Variants in LANCL1 observed in about 807,000 individuals in gnomAD.
LANCL1 encodes LanC like glutathione S-transferase 1.
Under a neutral mutation model 50.6 loss-of-function variants are expected in LANCL1, and 50 were observed. The observed-to-expected ratio is 0.99, with a 90% confidence interval of 0.79 to 1.25. The LOEUF (loss-of-function observed/expected upper bound fraction) is 1.25, where lower values mean the gene tolerates loss of function less well. Among genes scored for constraint, LANCL1 ranks in the 50% most tolerant of loss-of-function variants. The probability of loss-of-function intolerance (pLI) is 0.00; values close to 1 mark genes in which losing one functional copy is unlikely to be tolerated. For missense variants in LANCL1, 532 were observed against 480.7 expected, an observed-to-expected ratio of 1.11 and a Z score of -1.00; for synonymous variants, 188 against 178.6, an observed-to-expected ratio of 1.05 and a Z score of -0.42.
rs1172775827 is a variant in LANCL1 at position 210,434,628 on chromosome 2, T to C, written c.1124-65A>G. The C allele has an allele frequency of 2.3e-6, 3 of 1,294,884 alleles. No individual in the cohort carries two copies. In the South Asian group the frequency reaches 3.7e-5, roughly 16 times the overall value. The allele number at this position is 1,294,884 out of a possible 1,614,324, so 80.2% of individuals were successfully genotyped here. A position where few individuals can be genotyped will look rare whatever the true frequency, so the allele number is the denominator to read the frequency against. ...GACTCCATTTCATAGGATGGTTCTT[T>C]TTCCCCCATATCTTTATTGACAAAA... On this transcript the variant is annotated intron_variant, in intron 9 of 9. Transcript: ENST00000450366.
intron 4 of LANCL1, among the ~76,000 whole-genome samples, chr2:210,449,882 T>C (rs992067042): frequency 2.0e-5 from 3 of 152,124 alleles, no homozygotes; most frequent in Admixed American, 6.5e-5. Flanking sequence ...TGCTCATGGA[T>C]AGGAAGAATC....
At chr2:210,434,698 A>C in intron 9 of LANCL1, 135 bp from the exon 10 acceptor site, 4 of 656,246 alleles carry the variant, frequency 6.1e-6, no homozygotes, top group East Asian at 2.9e-5. Flanking sequence ...AACATCAACA[A>C]AGGGTGCCCA....
chr2:210,438,136 T>TC (rs1479496198), intron 6 of LANCL1, among the ~76,000 whole-genome samples: 3 of 148,124 alleles, frequency 2.0e-5, no homozygotes, highest in African/African-American at 7.4e-5. Flanking sequence ...TTTCTTTCTT[T>TC]TTTTTTTTTT....
intron 4 of LANCL1, among the ~76,000 whole-genome samples, chr2:210,448,256 G>A (rs989910148): frequency 3.3e-5 from 5 of 152,126 alleles, no homozygotes; most frequent in East Asian, 1.9e-4. Flanking sequence ...TGACTACTGG[G>A]TAAATAACGA....
rs937770294 is a variant in LANCL1 at position 210,476,225 on chromosome 2, G to T, written c.81+91C>A. On this transcript the variant is annotated intron_variant, in intron 2 of 9. Coordinates refer to ENST00000450366, the MANE Select transcript of LANCL1 (RefSeq NM_006055.3). The stretch of plus-strand genomic sequence containing the variant: ...CGTCGAATCATGTATTTTTTTAAAG[G>T]GGGATGCTCAACTCTCTCAGGCAAA... The T allele has an allele frequency of 2.4e-5, 18 of 745,758 alleles. No homozygotes were observed. In the Admixed American group the frequency reaches 3.8e-4, roughly 16 times the overall value. 46.2% of individuals were successfully genotyped at this position (745,758 alleles called of 1,614,324 possible). A position where few individuals can be genotyped will look rare whatever the true frequency, so the allele number is the denominator to read the frequency against.
chr2:210,437,619 G>A (rs1369166735), intron 7 of LANCL1, 71 bp downstream of exon 7: 1 of 905,996 alleles, frequency 1.1e-6, no homozygotes, highest in Non-Finnish European at 1.6e-6. Flanking sequence ...TTATGGATTA[G>A]GATAAAACTA....
chr2:210,477,583 TCA>T, upstream of LANCL1: 4 of 1,395,626 alleles, frequency 2.9e-6, no homozygotes, highest in Non-Finnish European at 3.7e-6. Context: ...CTGGAGAAGC[TCA>T]GTCTCCACCC....
intron 4 of LANCL1, among the ~76,000 whole-genome samples, chr2:210,442,064 CT>C (rs1403792749): frequency 1.3e-5 from 2 of 152,086 alleles, no homozygotes; most frequent in African/African-American, 4.8e-5. Context: ...ACCACCACAC[CT>C]GGCTAATTTT....
chr2:210,442,243 G>A (rs964926912), intron 4 of LANCL1, among the ~76,000 whole-genome samples: 1 of 152,176 alleles, frequency 6.6e-6, no homozygotes, highest in Admixed American at 6.5e-5. Flanking sequence ...GTGTCAGTCA[G>A]GTCTCCATCT....
At chr2:210,452,232 T>TAA (rs34667709) in intron 4 of LANCL1, among the ~76,000 whole-genome samples, 3 of 141,972 alleles carry the variant, frequency 2.1e-5, no homozygotes, top group Non-Finnish European at 3.1e-5. Context: ...TTCTGCTTAT[T>TAA]AAAAAAAAAA....
chr2:210,466,426 G>A (rs1694061964), intron 3 of LANCL1, among the ~76,000 whole-genome samples: 1 of 152,170 alleles, frequency 6.6e-6, no homozygotes, highest in Non-Finnish European at 1.5e-5. Context: ...CCCCGTGAAT[G>A]CCTCCTGGTT....
At chr2:210,452,026 G>A (rs1422408617) in intron 4 of LANCL1, among the ~76,000 whole-genome samples, 2 of 152,104 alleles carry the variant, frequency 1.3e-5, no homozygotes, top group African/African-American at 4.8e-5. Context: ...ATGATGGTAT[G>A]GGGGTATGGG....
In LANCL1 at chr2:210,446,545, T is replaced by A. The variant is rs1693335430; in HGVS notation, c.408-5102A>T. 2.6e-5 allele frequency among the ~76,000 whole-genome samples: 4 copies of A among 151,898 alleles called. No homozygotes were observed. The South Asian group carries it at 8.3e-4, about 31-fold the overall frequency. ...GAAGTAGGCTTCAGAAGGTGGGTAA[T>A]AACAAACTCCCCTGAGCTAAAGGAG... On this transcript the variant is annotated intron_variant, in intron 4 of 9. Coordinates refer to ENST00000450366, the MANE Select transcript of LANCL1 (RefSeq NM_006055.3).
chr2:210,453,418 G>C, intron 4 of LANCL1, among the ~76,000 whole-genome samples: 1 of 152,236 alleles, frequency 6.6e-6, no homozygotes. Context: ...GTTGTCCCCA[G>C]GTATACAAGC....
In LANCL1 at chr2:210,474,361, A is replaced by G. The variant is rs572764059; in HGVS notation, c.81+1955T>C. The stretch of plus-strand genomic sequence containing the variant: ...CTGTCCAAAAACTACGTTAGGCAAT[A>G]AACTACATTATTACTCTTGGGTCAG... On this transcript the variant is annotated intron_variant, in intron 2 of 9. Transcript: ENST00000450366. Among the ~76,000 whole-genome samples, 18 of 152,260 alleles carry G rather than the reference A, an allele frequency of 1.2e-4. No individual in the cohort carries two copies. The East Asian group carries it at 3.3e-3, about 28-fold the overall frequency.
rs1692771853 is a variant in LANCL1, at chr2:210,432,330, G to C, written c.*2157C>G. 1 of 152,180 alleles carries C rather than the reference G, an allele frequency of 6.6e-6. No individual in the cohort carries two copies. Among genetic ancestry groups the C allele is most frequent in the Non-Finnish European group, 1.5e-5 (1 of 68,032 alleles). The allele number at this position is 152,180 out of a possible 1,614,324, so 9.4% of individuals were successfully genotyped here. A position where few individuals can be genotyped will look rare whatever the true frequency, so the allele number is the denominator to read the frequency against. ...ACCAAACTCTAATTGTGTTTGTGTG[G>C]ATGAATTTGCTAACTGATGACAGTA... On this transcript the variant is annotated 3_prime_UTR_variant, in exon 10 of 10. Coordinates refer to ENST00000450366, the MANE Select transcript of LANCL1 (RefSeq NM_006055.3).
upstream of LANCL1, chr2:210,477,583 T>G (rs977704599): frequency 9.3e-6 from 13 of 1,395,508 alleles, no homozygotes; most frequent in Non-Finnish European, 1.0e-5. Flanking sequence ...CTGGAGAAGC[T>G]CAGTCTCCAC....
intron 4 of LANCL1, among the ~76,000 whole-genome samples, chr2:210,448,550 T>G (rs368970911): frequency 6.3e-4 from 96 of 152,022 alleles, no homozygotes; most frequent in African/African-American, 2.3e-3. Context: ...TCAAAAAAAA[T>G]CAGTGAATCC....
intron 7 of LANCL1, among the ~76,000 whole-genome samples, chr2:210,436,733 C>G (rs1032904915): frequency 1.3e-5 from 2 of 152,194 alleles, no homozygotes; most frequent in Admixed American, 6.5e-5. Context: ...CTTTGTAACT[C>G]TGATGCCCTC....
Sources: gnomAD v4.1 joint callset for allele counts (sites outside exome capture counted in the v4.1 genomes callset) on GRCh38, gnomAD v4.1.1 for gene constraint, MANE v1.5 for transcripts, NCBI Gene and HGNC (gene_info 2026-07-23, HGNC 2026-07-21) for gene names.